PRLR: variants seen among roughly 807,000 people sequenced by gnomAD.
The protein encoded by PRLR is prolactin receptor.
PRLR carries 13 observed loss-of-function variants against 40.2 expected under a neutral mutation model. The ratio of observed to expected loss-of-function variants is 0.32; its 90% confidence interval spans 0.21 to 0.51. The LOEUF (loss-of-function observed/expected upper bound fraction) is 0.51. PRLR is among the 20% of genes least tolerant of loss of function. The pLI is 0.97. For synonymous variants in PRLR, 269 were observed against 278.7 expected (o/e 0.97, Z 0.35); for missense variants, 656 against 747.3 (o/e 0.88, Z 1.42).
At chr5:35,094,861 T>A (rs1771439224) in intron 2 of PRLR, among the ~76,000 whole-genome samples, 1 of 150,230 alleles carries the variant, frequency 6.7e-6, no homozygotes, top group Non-Finnish European at 1.5e-5. Context: ...GGGGTCTTGT[T>A]CTGTTGCCCA....
chr5:35,072,090 G>T lies in PRLR; in HGVS notation c.543+485C>A, dbSNP rs113078452. On this transcript the variant is annotated intron_variant, in intron 6 of 9. Transcript: ENST00000618457. ...TTTTTGTACTTTTAGTAGAGATGGG[G>T]TTTCTTCCTGTTGGCCAGGCTTGTC... Among the ~76,000 whole-genome samples, 525 of 151,676 alleles carry T rather than the reference G, an allele frequency of 3.5e-3. 7 individuals are homozygous for T. The highest frequency in any genetic ancestry group is 0.012 in the African/African-American group (501 of 41,326).
intron 2 of PRLR, among the ~76,000 whole-genome samples, chr5:35,094,332 A>ATTCATCCTTGTTGTTACATGTAGT (rs1179418874): frequency 6.6e-6 from 1 of 152,118 alleles, no homozygotes; most frequent in African/African-American, 2.4e-5. Context: ...TGGGTGTAGG[A>ATTCATCCTTGTTGTTACATGTAGT]TTCATCCTTG....
Position 35,084,648 on chromosome 5 carries a change from A to G in PRLR, c.204-9T>C, listed in dbSNP as rs367683293. 67 of 1,608,338 alleles carry G rather than the reference A, an allele frequency of 4.2e-5. No homozygotes were observed. Among genetic ancestry groups the G allele is most frequent in the Non-Finnish European group, 5.4e-5 (64 of 1,177,648 alleles). On this transcript the variant is annotated splice_polypyrimidine_tract_variant and intron_variant, in intron 4 of 9. Coordinates refer to ENST00000618457, the MANE Select transcript of PRLR (RefSeq NM_000949.7). Reference sequence around the variant, plus strand: ...CATGCATGAGTGTCTCTCTGCAATAAGTAATGTATTAGGAATGAATAAGAA... The same window carrying G: ...CATGCATGAGTGTCTCTCTGCAATAGGTAATGTATTAGGAATGAATAAGAA...
chr5:35,118,964 T>C (rs1386139876), intron 1 of PRLR, among the ~76,000 whole-genome samples: 1 of 151,974 alleles, frequency 6.6e-6, no homozygotes, highest in Non-Finnish European at 1.5e-5. Flanking sequence ...CTGGCGAAGT[T>C]TTTGTATTTT....
At chr5:35,162,790 G>A (rs1026037939) in intron 1 of PRLR, among the ~76,000 whole-genome samples, 6 of 152,132 alleles carry the variant, frequency 3.9e-5, no homozygotes, top group Admixed American at 2.6e-4. Flanking sequence ...TGTGTCTCCC[G>A]GGCAGTTTCC....
chr5:35,068,135 A>C (rs1326065463), intron 9 of PRLR, 81 bp downstream of exon 9: 1 of 1,301,826 alleles, frequency 7.7e-7, no homozygotes, highest in Non-Finnish European at 1.1e-6. Context: ...GGCTGAACTG[A>C]CGGGGACTGT....
chr5:35,067,295 C>T (rs1027275642), intron 9 of PRLR, among the ~76,000 whole-genome samples: 1 of 152,082 alleles, frequency 6.6e-6, no homozygotes, highest in African/African-American at 2.4e-5. Context: ...GCTATTTTAT[C>T]GTTAAGTCTC....
intron 1 of PRLR, among the ~76,000 whole-genome samples, chr5:35,120,908 C>T (rs1176258051): frequency 6.6e-6 from 1 of 152,192 alleles, no homozygotes; most frequent in Non-Finnish European, 1.5e-5. Context: ...TACTCTGTTA[C>T]TGTAGTACAA....
At chr5:35,227,173 C>T (rs184301327) in intron 1 of PRLR, among the ~76,000 whole-genome samples, 2 of 152,146 alleles carry the variant, frequency 1.3e-5, no homozygotes, top group Non-Finnish European at 2.9e-5. Flanking sequence ...TGTTGCTACC[C>T]GTTAATATGT....
chr5:35,175,087 G>A (rs1484863057), intron 1 of PRLR, among the ~76,000 whole-genome samples: 1 of 152,160 alleles, frequency 6.6e-6, no homozygotes, highest in Non-Finnish European at 1.5e-5. Flanking sequence ...ATGGACAGAT[G>A]GATGGATAGA....
chr5:35,134,031 G>A (rs1183779254), intron 1 of PRLR, among the ~76,000 whole-genome samples: 1 of 152,160 alleles, frequency 6.6e-6, no homozygotes, highest in Non-Finnish European at 1.5e-5. Context: ...TGGGGACTTG[G>A]GGAAAGGTTG....
At chr5:35,104,949 C>A (rs1772138647) in intron 2 of PRLR, among the ~76,000 whole-genome samples, 1 of 152,214 alleles carries the variant, frequency 6.6e-6, no homozygotes, top group Non-Finnish European at 1.5e-5. Flanking sequence ...CCCCGAGTAG[C>A]CTAACTAGGA....
chr5:35,086,441 T>A, intron 3 of PRLR, 101 bp from the exon 4 acceptor site: 1 of 1,449,368 alleles, frequency 6.9e-7, no homozygotes, highest in Admixed American at 1.9e-5. Context: ...AAGCCAGCGA[T>A]GAAGTCTCAG....
chr5:35,101,157 C>T (rs1579646767), intron 2 of PRLR, among the ~76,000 whole-genome samples: 1 of 152,178 alleles, frequency 6.6e-6, no homozygotes. Context: ...CTCAGTTTGG[C>T]TTCATCTACA....
chr5:35,222,336 G>A (rs1307652152), intron 1 of PRLR, among the ~76,000 whole-genome samples: 2 of 152,044 alleles, frequency 1.3e-5, no homozygotes, highest in African/African-American at 4.8e-5. Context: ...TAAAATGCTG[G>A]GCTTTCTCCT....
At position 35,230,344 on chromosome 5, in the gene PRLR, A is replaced by C. The variant is rs1371993528; in HGVS notation, c.-182T>G. ...GAGGACATGAAGCTCCATTGTGTGG[A>C]AAGCTGTTTCGCGAACGGTCGGTAA... On this transcript the variant is annotated 5_prime_UTR_variant, in exon 1 of 10. Transcript: ENST00000618457. 6.6e-6 allele frequency: 1 copy of C among 152,328 alleles called. No homozygotes were observed. The highest frequency in any genetic ancestry group is 1.9e-4 in the East Asian group (1 of 5,198). The allele number at this position is 152,328 out of a possible 1,614,324, so 9.4% of individuals were successfully genotyped here. A position where few individuals can be genotyped will look rare whatever the true frequency, so the allele number is the denominator to read the frequency against.
chr5:35,067,488 C>T (rs951591408), intron 9 of PRLR, among the ~76,000 whole-genome samples: 2 of 152,074 alleles, frequency 1.3e-5, no homozygotes, highest in African/African-American at 2.4e-5. Flanking sequence ...CACAGACAAG[C>T]CAGATTATCC....
chr5:35,145,092 T>C (rs555833015), intron 1 of PRLR, among the ~76,000 whole-genome samples: 2 of 152,138 alleles, frequency 1.3e-5, no homozygotes, highest in Non-Finnish European at 2.9e-5. Flanking sequence ...CCGGAGTGAA[T>C]ATTATGAACT....
chr5:35,068,736 G>A, intron 8 of PRLR, 43 bp downstream of exon 8: 2 of 1,344,824 alleles, frequency 1.5e-6, no homozygotes, highest in Non-Finnish European at 2.1e-6. Flanking sequence ...CATTATCCTT[G>A]ACTATCATGA....
Sources: allele counts gnomAD v4.1 joint callset (sites outside exome capture counted in the v4.1 genomes callset), GRCh38; gene constraint gnomAD v4.1.1; transcripts MANE v1.5; gene names NCBI Gene and HGNC (gene_info 2026-07-23, HGNC 2026-07-21).